The following PSD3 variants were observed in gnomAD, a reference collection of about 807,000 sequenced individuals.
The protein encoded by PSD3 is pleckstrin and Sec7 domain containing 3.
Under a neutral mutation model 105.5 loss-of-function variants are expected in PSD3, and 49 were observed. That is an observed-to-expected ratio of 0.46 (90% CI 0.37 to 0.59). The LOEUF (loss-of-function observed/expected upper bound fraction) is 0.59. PSD3 is among the 20% of genes least tolerant of loss of function. PSD3 has a pLI of 0.00. For synonymous variants in PSD3, 557 were observed against 457.8 expected, an observed-to-expected ratio of 1.22 and a Z score of -2.77; for missense variants, 1,561 against 1,263.8, an observed-to-expected ratio of 1.24 and a Z score of -3.57.
intron 9 of PSD3, among the ~76,000 whole-genome samples, chr8:18,748,718 T>C (rs1805229892): frequency 6.6e-6 from 1 of 151,414 alleles, no homozygotes; most frequent in South Asian, 2.1e-4. Flanking sequence ...AGAAAATCAG[T>C]TATAATACGG....
chr8:18,631,324 T>A (rs958866167), intron 11 of PSD3, among the ~76,000 whole-genome samples: 4 of 152,024 alleles, frequency 2.6e-5, no homozygotes, highest in Admixed American at 1.3e-4. Context: ...CTTACTGTCA[T>A]TGCAAGCAAG....
intron 8 of PSD3, among the ~76,000 whole-genome samples, chr8:18,783,866 C>T (rs1808873559): frequency 1.3e-5 from 2 of 152,198 alleles, no homozygotes; most frequent in Admixed American, 1.3e-4. Flanking sequence ...AACTCCTGAC[C>T]TCAAAGTGAT....
intron 1 of PSD3, among the ~76,000 whole-genome samples, chr8:19,038,608 G>A (rs1828023484): frequency 1.3e-5 from 2 of 152,062 alleles, no homozygotes; most frequent in South Asian, 2.1e-4. Context: ...CCACAAGCAT[G>A]TACCACCATG....
At chr8:18,996,273 T>C (rs1826075810) in intron 1 of PSD3, among the ~76,000 whole-genome samples, 1 of 151,850 alleles carries the variant, frequency 6.6e-6, no homozygotes, top group African/African-American at 2.4e-5. Context: ...AATCTGTGCC[T>C]CAGATGAGAG....
chr8:19,075,343 T>C (rs554180696), intron 1 of PSD3, among the ~76,000 whole-genome samples: 1 of 152,300 alleles, frequency 6.6e-6, no homozygotes, highest in South Asian at 2.1e-4. Context: ...CCTCAAGTGA[T>C]CCTCCCACCT....
chr8:18,785,518 T>C (rs1404503119), intron 8 of PSD3, among the ~76,000 whole-genome samples: 2 of 151,908 alleles, frequency 1.3e-5, no homozygotes, highest in Non-Finnish European at 2.9e-5. Flanking sequence ...GCTGGTTGGA[T>C]ACCCTATCTA....
intron 2 of PSD3, among the ~76,000 whole-genome samples, chr8:18,927,339 G>A (rs1287148051): frequency 9.2e-5 from 14 of 151,930 alleles, no homozygotes; most frequent in African/African-American, 3.1e-4. Flanking sequence ...TCAGCCTCCC[G>A]AGTAGCTGGG....
chr8:18,574,466 T>A (rs1419677471), intron 13 of PSD3, among the ~76,000 whole-genome samples: 1 of 152,148 alleles, frequency 6.6e-6, no homozygotes. Context: ...ATGTTAACCA[T>A]CCCATTCCTA....
intron 1 of PSD3, among the ~76,000 whole-genome samples, chr8:18,999,314 T>C (rs887695705): frequency 2.0e-5 from 3 of 151,890 alleles, no homozygotes; most frequent in African/African-American, 7.3e-5. Context: ...TGCTGGCTGA[T>C]GCCCATTCAT....
intron 1 of PSD3, among the ~76,000 whole-genome samples, chr8:19,047,146 G>C (rs539924368): frequency 6.6e-6 from 1 of 152,290 alleles, no homozygotes; most frequent in African/African-American, 2.4e-5. Context: ...ACTAAACTAG[G>C]TGCTTAAGAG....
intron 1 of PSD3, among the ~76,000 whole-genome samples, chr8:18,965,999 G>C (rs1467948801): frequency 6.6e-6 from 1 of 152,194 alleles, no homozygotes; most frequent in African/African-American, 2.4e-5. Flanking sequence ...CTGATGAGGG[G>C]AGTAGGCAAC....
At chr8:18,868,115 C>G (rs763035087) in intron 3 of PSD3, 46 bp from the exon 4 acceptor site, 47 of 1,521,176 alleles carry the variant, frequency 3.1e-5, no homozygotes, top group Middle Eastern at 3.6e-4. Context: ...AGGTTAATGT[C>G]TTTATTTCTC....
chr8:18,750,962 G>A (rs529899723), intron 9 of PSD3, among the ~76,000 whole-genome samples: 2 of 152,150 alleles, frequency 1.3e-5, no homozygotes, highest in African/African-American at 4.8e-5. Context: ...ACCAGACTCA[G>A]GAGACCAGCT....
At chr8:18,932,549 A>AG (rs1373418524) in intron 2 of PSD3, among the ~76,000 whole-genome samples, 14 of 152,240 alleles carry the variant, frequency 9.2e-5, no homozygotes, top group African/African-American at 3.1e-4. Flanking sequence ...ACTAAAGCTG[A>AG]GACTTCTCAT....
intron 2 of PSD3, among the ~76,000 whole-genome samples, chr8:18,911,288 A>G (rs990971027): frequency 4.6e-5 from 7 of 152,232 alleles, no homozygotes; most frequent in African/African-American, 1.2e-4. Context: ...AATGTATTCA[A>G]TACTAACAAT....
In PSD3 at chr8:18,872,554, G is replaced by T. The variant is rs1817459413; in HGVS notation, c.310C>A (p.Leu104Ile). The change falls in exon 3 of 16, where the codon CTC becomes ATC. Residue 104 changes from leucine to isoleucine, a missense_variant. Leu to Ile is a conservative substitution (Grantham distance 5, BLOSUM62 2). Transcript: ENST00000327040. Reference protein sequence around the residue: ...VQPLTGCHSGLDSVTEGPKDV... With the variant: ...VQPLTGCHSGIDSVTEGPKDV... The stretch of plus-strand genomic sequence containing the variant: ...TTTGGTCCTTCTGTAACACTGTCGA[G>T]CCCAGAGTGGCAGCCAGTAAGAGGC... 6.2e-7 allele frequency: 1 copy of T among 1,613,902 alleles called. No homozygotes were observed. The highest frequency in any genetic ancestry group is 1.3e-5 in the African/African-American group (1 of 74,900).
Position 18,916,842 on chromosome 8 carries a change from C to T in PSD3, c.130+19192G>A, listed in dbSNP as rs541002075. Among the ~76,000 whole-genome samples, 4 of 151,818 alleles carry T rather than the reference C, an allele frequency of 2.6e-5. No individual in the cohort carries two copies. The East Asian group carries it at 5.8e-4, about 22-fold the overall frequency. On this transcript the variant is annotated intron_variant, in intron 2 of 15. Transcript: ENST00000327040. ...AGATATAATACTGTATGCCATAAAT[C>T]TATATAATTTTTGTCAATTATATCT... is the stretch of plus-strand genomic sequence containing the variant.
At chr8:18,991,383 C>T (rs1825794502) in intron 1 of PSD3, among the ~76,000 whole-genome samples, 2 of 139,852 alleles carry the variant, frequency 1.4e-5, no homozygotes, top group Admixed American at 7.3e-5. Context: ...TACACACACA[C>T]ACACACACAC....
At chr8:18,902,831 C>A (rs569625025) in intron 2 of PSD3, among the ~76,000 whole-genome samples, 1 of 152,182 alleles carries the variant, frequency 6.6e-6, no homozygotes, top group Non-Finnish European at 1.5e-5. Flanking sequence ...ATGTTCGTGG[C>A]AGTGGTGACA....
Sources: gnomAD v4.1 joint callset for allele counts (sites outside exome capture counted in the v4.1 genomes callset) on GRCh38, gnomAD v4.1.1 for gene constraint, MANE v1.5 for transcripts, NCBI Gene and HGNC (gene_info 2026-07-23, HGNC 2026-07-21) for gene names.